The following NELL1 variants were observed in gnomAD, a reference collection of about 807,000 sequenced individuals.
The protein encoded by NELL1 is neural EGFL like 1.
NELL1 carries 76 observed loss-of-function variants against 107.4 expected under a neutral mutation model. That is an observed-to-expected ratio of 0.71 (90% CI 0.59 to 0.86). The LOEUF (loss-of-function observed/expected upper bound fraction) is 0.86, where lower values mean the gene tolerates loss of function less well. Ranked by LOEUF, NELL1 falls within the 40% of genes least tolerant of loss-of-function variation. The pLI is 0.00. For synonymous variants in NELL1, 353 were observed against 341.2 expected (o/e 1.03, Z -0.38); for missense variants, 1,024 against 1,005.5 (o/e 1.02, Z -0.25).
intron 3 of NELL1, among the ~76,000 whole-genome samples, chr11:20,839,839 TTGTC>T (rs1159946367): frequency 1.3e-5 from 2 of 152,188 alleles, no homozygotes; most frequent in East Asian, 1.9e-4. Context: ...TACCAGAAGT[TTGTC>T]TGGGAAAATC....
intron 15 of NELL1, among the ~76,000 whole-genome samples, chr11:21,382,946 A>T (rs1477285570): frequency 2.0e-5 from 3 of 151,938 alleles, no homozygotes; most frequent in Admixed American, 1.3e-4. Flanking sequence ...ATAGGAAGAA[A>T]ATCTAGCTTT....
chr11:21,473,274 A>C (rs1027329614), intron 15 of NELL1, among the ~76,000 whole-genome samples: 1 of 151,880 alleles, frequency 6.6e-6, no homozygotes, highest in African/African-American at 2.4e-5. Context: ...CATTTCCTTT[A>C]TTTCCTCTAC....
chr11:21,409,255 A>G (rs938487271), intron 15 of NELL1, among the ~76,000 whole-genome samples: 17 of 152,140 alleles, frequency 1.1e-4, no homozygotes, highest in Non-Finnish European at 2.4e-4. Flanking sequence ...ATAGCCATAA[A>G]AAATGATGAG....
chr11:20,889,676 C>T (rs191365717), intron 5 of NELL1, among the ~76,000 whole-genome samples: 15 of 152,192 alleles, frequency 9.9e-5, no homozygotes, highest in Admixed American at 6.5e-4. Context: ...ACCAAAATAT[C>T]CGGGTTCTGT....
chr11:20,747,765 A>G (rs1408065280), intron 2 of NELL1, among the ~76,000 whole-genome samples: 1 of 152,226 alleles, frequency 6.6e-6, no homozygotes, highest in African/African-American at 2.4e-5. Flanking sequence ...ATATGGGGAT[A>G]CAAGTGATCT....
chr11:20,755,570 T>A (rs78194980), intron 2 of NELL1, among the ~76,000 whole-genome samples: 9 of 127,118 alleles, frequency 7.1e-5, no homozygotes, highest in South Asian at 5.3e-4. Context: ...TTGTTTTTTT[T>A]TTTTTGAGAC....
intron 12 of NELL1, among the ~76,000 whole-genome samples, chr11:21,084,655 AT>A (rs1170372441): frequency 6.6e-6 from 1 of 152,114 alleles, no homozygotes; most frequent in Non-Finnish European, 1.5e-5. Context: ...GATGAGTGCC[AT>A]TTATTAGTCT....
intron 14 of NELL1, among the ~76,000 whole-genome samples, chr11:21,268,619 G>A (rs1848680726): frequency 6.6e-6 from 1 of 152,032 alleles, no homozygotes; most frequent in Non-Finnish European, 1.5e-5. Flanking sequence ...TAGTTCAGAG[G>A]CACAGTCTTA....
chr11:21,570,282 G>A (rs1857069772), intron 17 of NELL1, among the ~76,000 whole-genome samples: 1 of 151,760 alleles, frequency 6.6e-6, no homozygotes, highest in African/African-American at 2.4e-5. Flanking sequence ...TTGGATAAGT[G>A]GTTTAGCCTC....
intron 14 of NELL1, among the ~76,000 whole-genome samples, chr11:21,326,769 T>C (rs1470762111): frequency 6.6e-6 from 1 of 152,074 alleles, no homozygotes; most frequent in African/African-American, 2.4e-5. Flanking sequence ...CTTTTTTTTC[T>C]TAAGACTTAA....
chr11:21,308,196 A>T (rs1409397330), intron 14 of NELL1, among the ~76,000 whole-genome samples: 2 of 152,050 alleles, frequency 1.3e-5, no homozygotes, highest in East Asian at 1.9e-4. Flanking sequence ...CTTAAGAGAG[A>T]TAATGTATGC....
At chr11:20,913,841 A>T (rs1850187555) in intron 5 of NELL1, among the ~76,000 whole-genome samples, 1 of 126,050 alleles carries the variant, frequency 7.9e-6, no homozygotes, top group Admixed American at 8.9e-5. Flanking sequence ...AAATAAGATT[A>T]CGGGGGGCGG....
chr11:21,547,655 C>G (rs530600615), intron 16 of NELL1, among the ~76,000 whole-genome samples: 1 of 152,004 alleles, frequency 6.6e-6, no homozygotes, highest in African/African-American at 2.4e-5. Flanking sequence ...ATTTTCTGCA[C>G]CTGTTTCTGC....
At position 20,941,359 on chromosome 11, in the gene NELL1, G is replaced by A. The variant is rs75868858; in HGVS notation, c.1071+3500G>A. Among the ~76,000 whole-genome samples, 885 of 152,200 alleles carry A rather than the reference G, an allele frequency of 5.8e-3. 9 individuals are homozygous for A. Among genetic ancestry groups the A allele is most frequent in the African/African-American group, 0.02 (833 of 41,510 alleles). ...TGAGTCTAATTACTCTTACAATATA[G>A]CATTGTGGTTGAAAGGTCAAAATCT... On this transcript the variant is annotated intron_variant, in intron 10 of 19. Transcript: ENST00000357134.
intron 15 of NELL1, among the ~76,000 whole-genome samples, chr11:21,427,943 G>A (rs1050622780): frequency 1.3e-5 from 2 of 152,188 alleles, no homozygotes; most frequent in African/African-American, 4.8e-5. Flanking sequence ...CTCTGTGTGA[G>A]GTGCTCTGTG....
intron 2 of NELL1, among the ~76,000 whole-genome samples, chr11:20,708,908 C>T (rs1480075339): frequency 1.3e-5 from 2 of 152,118 alleles, no homozygotes; most frequent in African/African-American, 4.8e-5. Flanking sequence ...CAGGATGAAG[C>T]TGTTTCACCT....
At chr11:20,884,940 C>G (rs1378723361) in intron 4 of NELL1, among the ~76,000 whole-genome samples, 1 of 152,164 alleles carries the variant, frequency 6.6e-6, no homozygotes. Flanking sequence ...CTGCAATCTA[C>G]TTGTTTAAAG....
chr11:20,896,478 T>C (rs1849740969), intron 5 of NELL1, among the ~76,000 whole-genome samples: 1 of 152,202 alleles, frequency 6.6e-6, no homozygotes, highest in African/African-American at 2.4e-5. Flanking sequence ...CTTTTCTTCT[T>C]GGTAGATACC....
chr11:21,005,245 C>A (rs1174377081), intron 12 of NELL1, among the ~76,000 whole-genome samples: 1 of 152,126 alleles, frequency 6.6e-6, no homozygotes, highest in Non-Finnish European at 1.5e-5. Flanking sequence ...TCATTTAAGC[C>A]ACTTAAAATT....
Sources: gnomAD v4.1 joint callset for allele counts (sites outside exome capture counted in the v4.1 genomes callset) on GRCh38, gnomAD v4.1.1 for gene constraint, MANE v1.5 for transcripts, NCBI Gene and HGNC (gene_info 2026-07-23, HGNC 2026-07-21) for gene names.